The following SLIT3 variants were observed in gnomAD, a reference collection of about 807,000 sequenced individuals.
SLIT3 encodes the protein slit guidance ligand 3.
A neutral mutation model predicts 184.0 loss-of-function variants in SLIT3; 68 were observed. That is an observed-to-expected ratio of 0.37 (90% CI 0.30 to 0.45). The LOEUF (loss-of-function observed/expected upper bound fraction) is 0.45. Ranked by LOEUF, SLIT3 falls within the 20% of genes least tolerant of loss-of-function variation. The probability of loss-of-function intolerance (pLI) is 1.00; values close to 1 mark genes in which losing one functional copy is unlikely to be tolerated. For synonymous variants in SLIT3, 831 were observed against 828.6 expected (o/e 1.00, Z -0.05); for missense variants, 1,707 against 2,026.0 (o/e 0.84, Z 3.02).
At chr5:169,057,903 A>G (rs1758059145) in intron 4 of SLIT3, among the ~76,000 whole-genome samples, 1 of 152,354 alleles carries the variant, frequency 6.6e-6, no homozygotes, top group Admixed American at 6.5e-5. Context: ...GCTTTCTTTT[A>G]TGGGGAAGGT....
chr5:169,004,990 T>C (rs796940663), intron 4 of SLIT3, among the ~76,000 whole-genome samples: 4 of 152,350 alleles, frequency 2.6e-5, no homozygotes, highest in African/African-American at 9.6e-5. Flanking sequence ...AGCTTTCTTC[T>C]TTTTTACAAA....
chr5:168,672,350 T>G (rs1394514613), intron 33 of SLIT3, among the ~76,000 whole-genome samples: 2 of 152,304 alleles, frequency 1.3e-5, no homozygotes, highest in Middle Eastern at 3.4e-3. Flanking sequence ...CTGGGTAAAG[T>G]CTTGGGAATC....
intron 4 of SLIT3, among the ~76,000 whole-genome samples, chr5:169,133,529 A>G (rs1317558676): frequency 6.6e-6 from 1 of 152,334 alleles, no homozygotes; most frequent in East Asian, 1.9e-4. Flanking sequence ...GTATCAAAGG[A>G]TGCTCAAGGT....
At chr5:169,107,368 G>A (rs1045909707) in intron 4 of SLIT3, among the ~76,000 whole-genome samples, 15 of 152,154 alleles carry the variant, frequency 9.9e-5, no homozygotes, top group African/African-American at 2.2e-4. Flanking sequence ...ATTTAATTTC[G>A]TAAGAGCTGT....
chr5:168,996,563 G>A (rs187484703), intron 4 of SLIT3, among the ~76,000 whole-genome samples: 72 of 152,314 alleles, frequency 4.7e-4, no homozygotes, highest in African/African-American at 1.7e-3. Flanking sequence ...AACGTCAAGC[G>A]CTTCGTGATG....
intron 4 of SLIT3, among the ~76,000 whole-genome samples, chr5:169,049,730 C>T (rs1459551909): frequency 6.6e-6 from 1 of 152,134 alleles, no homozygotes; most frequent in Non-Finnish European, 1.5e-5. Context: ...CATAAACTGG[C>T]ATTTGGGGTT....
chr5:168,724,765 C>G (rs1254905505), intron 20 of SLIT3, among the ~76,000 whole-genome samples: 2 of 152,158 alleles, frequency 1.3e-5, no homozygotes, highest in Non-Finnish European at 2.9e-5. Context: ...GTTTACAGAG[C>G]TGATACATAG....
chr5:169,155,345 C>T (rs532902670), intron 4 of SLIT3, among the ~76,000 whole-genome samples: 2 of 152,270 alleles, frequency 1.3e-5, no homozygotes, highest in Admixed American at 1.3e-4. Flanking sequence ...AATAGTGATC[C>T]AAACCTTTTT....
intron 4 of SLIT3, among the ~76,000 whole-genome samples, chr5:168,941,007 C>G (rs1032593833): frequency 6.6e-6 from 1 of 152,196 alleles, no homozygotes; most frequent in Non-Finnish European, 1.5e-5. Context: ...AACCAGGCCA[C>G]AGGACTTGGA....
chr5:168,902,773 G>T lies in SLIT3; in HGVS notation c.414-19437C>A, dbSNP rs117801210. Reference sequence around the variant, plus strand: ...GGTGTAAAGCTTGCTGGGCAGAGGGGACACTGCACGAGGATTCTGAGGTGG... The same window carrying T: ...GGTGTAAAGCTTGCTGGGCAGAGGGTACACTGCACGAGGATTCTGAGGTGG... On this transcript the variant is annotated intron_variant, in intron 4 of 35. Coordinates refer to ENST00000519560, the MANE Select transcript of SLIT3 (RefSeq NM_003062.4). Among the ~76,000 whole-genome samples the T allele has an allele frequency of 2.4e-4, 36 of 152,330 alleles. 1 individual carries two copies. The East Asian group carries it at 6.8e-3, about 29-fold the overall frequency.
rs936647977 is a variant in SLIT3 at position 169,160,983 on chromosome 5, C to A, written c.413+32496G>T. Among the ~76,000 whole-genome samples the A allele has an allele frequency of 4.6e-5, 7 of 152,166 alleles. No homozygotes were observed. The South Asian group carries it at 6.2e-4, about 14-fold the overall frequency. ...TGGCCAAAAAAGCTTTGAGATCATGCGAATCCCCAGCGGCATGGCTTGGTC... is the reference window on the plus strand; with the variant it reads ...TGGCCAAAAAAGCTTTGAGATCATGAGAATCCCCAGCGGCATGGCTTGGTC... On this transcript the variant is annotated intron_variant, in intron 4 of 35. Coordinates refer to ENST00000519560, the MANE Select transcript of SLIT3 (RefSeq NM_003062.4).
At chr5:169,249,144 A>G (rs1765692652) in intron 2 of SLIT3, among the ~76,000 whole-genome samples, 1 of 152,222 alleles carries the variant, frequency 6.6e-6, no homozygotes, top group African/African-American at 2.4e-5. Context: ...AAAATATGGT[A>G]AAAATGTCTG....
intron 20 of SLIT3, among the ~76,000 whole-genome samples, chr5:168,738,641 A>C (rs1244619716): frequency 6.6e-6 from 1 of 152,180 alleles, no homozygotes; most frequent in East Asian, 1.9e-4. Context: ...CATCACTTTA[A>C]AAAAAGCAAC....
chr5:168,693,672 C>T (rs556673022), intron 28 of SLIT3, among the ~76,000 whole-genome samples: 14 of 151,742 alleles, frequency 9.2e-5, no homozygotes, highest in South Asian at 2.1e-4. Context: ...GGGAGCAGGG[C>T]GGGGAAAGCT....
chr5:168,888,229 G>T (rs1760297488), intron 4 of SLIT3, among the ~76,000 whole-genome samples: 1 of 152,242 alleles, frequency 6.6e-6, no homozygotes, highest in Middle Eastern at 3.2e-3. Flanking sequence ...GGGAACTCCT[G>T]TCTCTGAGCA....
rs78779664 is a variant in SLIT3, at chr5:168,981,165, G to A, written c.414-97829C>T. Among the ~76,000 whole-genome samples the A allele has an allele frequency of 8.7e-3, 1,325 of 152,234 alleles. 18 individuals carry two copies. The highest frequency in any genetic ancestry group is 0.03 in the African/African-American group (1,262 of 41,520). The stretch of plus-strand genomic sequence containing the variant: ...AATGTATGATTTTGTCATTATGTGC[G>A]CAATGCTGATATTAGACACAAGCAA... On this transcript the variant is annotated intron_variant, in intron 4 of 35. Coordinates refer to ENST00000519560, the MANE Select transcript of SLIT3 (RefSeq NM_003062.4).
intron 4 of SLIT3, among the ~76,000 whole-genome samples, chr5:169,179,208 T>C (rs1763071974): frequency 6.7e-6 from 1 of 149,630 alleles, no homozygotes; most frequent in African/African-American, 2.4e-5. Context: ...AGATCTCAGA[T>C]CAAGAAAAAA....
intron 4 of SLIT3, among the ~76,000 whole-genome samples, chr5:169,086,112 C>T (rs539186920): frequency 7.9e-5 from 12 of 152,332 alleles, no homozygotes; most frequent in African/African-American, 2.4e-4. Context: ...CAGAAGCTCT[C>T]GTGGCCCCTG....
chr5:168,843,139 C>G (rs191156966), intron 6 of SLIT3, among the ~76,000 whole-genome samples: 1 of 152,068 alleles, frequency 6.6e-6, no homozygotes, highest in Non-Finnish European at 1.5e-5. Context: ...TTTTCTGGAC[C>G]GGGAATTCTC....
Sources: allele counts gnomAD v4.1 joint callset (sites outside exome capture counted in the v4.1 genomes callset), GRCh38; gene constraint gnomAD v4.1.1; transcripts MANE v1.5; gene names NCBI Gene and HGNC (gene_info 2026-07-23, HGNC 2026-07-21).